ACE: variants seen among roughly 807,000 people sequenced by gnomAD.
ACE encodes the protein angiotensin I converting enzyme.
A neutral mutation model predicts 162.3 loss-of-function variants in ACE; 122 were observed. The ratio of observed to expected loss-of-function variants is 0.75; its 90% CI spans 0.65 to 0.87. The LOEUF (loss-of-function observed/expected upper bound fraction) is 0.87, where lower values mean the gene tolerates loss of function less well. Among genes scored for constraint, ACE ranks in the 40% least tolerant of loss-of-function variants. The pLI, the probability that ACE is intolerant of heterozygous loss-of-function variation, is 0.00. For missense variants in ACE, 1,799 were observed against 1,735.1 expected (o/e 1.04, Z -0.65); for synonymous variants, 796 against 720.6 (o/e 1.10, Z -1.68).
intron 8 of ACE, 65 bp from the exon 9 acceptor site, chr17:63,482,964 C>T (rs2049736132): frequency 1.3e-6 from 2 of 1,555,576 alleles, no homozygotes; most frequent in Non-Finnish European, 1.8e-6. Flanking sequence ...CGCCAGCCCA[C>T]ACTCTTAGGG....
chr17:63,479,889 G>T lies in ACE; in HGVS notation c.632G>T (p.Ser211Ile), dbSNP rs148144906. The T allele has an allele frequency of 1.2e-6, 2 of 1,611,994 alleles. No individual in the cohort carries two copies. Among genetic ancestry groups the T allele is most frequent in the Non-Finnish European group, 8.5e-7 (1 of 1,179,992 alleles). Residue 211 changes from serine (S) to isoleucine (I), a missense_variant, in exon 4 of 25, where the codon AGC becomes ATC. Physicochemically the swap from Ser to Ile is moderately radical, Grantham distance 142 (BLOSUM62 -2). Coordinates refer to ENST00000290866, the MANE Select transcript of ACE (RefSeq NM_000789.4). ...KPLYEDFTAL[S>I]NEAYKQDGFT... ...CTGTACGAGGATTTCACTGCCCTCAGCAATGAAGCCTACAAGCAGGACGGT... is the reference window on the plus strand; with the variant it reads ...CTGTACGAGGATTTCACTGCCCTCATCAATGAAGCCTACAAGCAGGACGGT...
chr17:63,483,263 C>T (rs1019805189), intron 9 of ACE, 90 bp downstream of exon 9: 9 of 1,600,236 alleles, frequency 5.6e-6, no homozygotes, highest in Non-Finnish European at 7.7e-6. Flanking sequence ...CCAGTTCTAG[C>T]CTCTCCTCTC....
chr17:63,483,787 G>C, intron 10 of ACE, 62 bp from the exon 11 acceptor site: 2 of 1,612,218 alleles, frequency 1.2e-6, no homozygotes, highest in Non-Finnish European at 1.7e-6. Context: ...ATGGTGCCTG[G>C]GTAAGGAACC....
chr17:63,486,449 C>A, intron 13 of ACE, 108 bp from the exon 14 acceptor site: 1 of 1,250,580 alleles, frequency 8.0e-7, no homozygotes, highest in Non-Finnish European at 1.2e-6. Flanking sequence ...CTTAATTCCA[C>A]TGCCCCCTCA....
chr17:63,496,430 C>A lies in ACE; in HGVS notation c.3417C>A (p.His1139Gln), dbSNP rs112577612. The change falls in exon 23 of 25, where the codon CAC becomes CAA. Residue 1139 changes from histidine to glutamine, a missense_variant. Transcript: ENST00000290866. The stretch of plus-strand genomic sequence containing the variant: ...GCTTCATCATCCAGTTCCAGTTCCA[C>A]GAGGCACTGTGCCAGGCAGCTGGCC... ...FVSFIIQFQF[H>Q]EALCQAAGHT... 1.9e-6 allele frequency: 3 copies of A among 1,614,100 alleles called. No homozygotes were observed. The African/African-American group carries it at 4.0e-5, about 22-fold the overall frequency.
Position 63,486,543 on chromosome 17 carries a change from C to G in ACE, c.2059-14C>G. On this transcript the variant is annotated splice_polypyrimidine_tract_variant and intron_variant, in intron 13 of 24. Transcript: ENST00000290866. ...GCTCCTGGGCCCTGTGACACCATCC[C>G]CCTGTGCCCTCAGCTGCAGAAGAAC... 1 of 1,613,950 alleles carries G rather than the reference C, an allele frequency of 6.2e-7. No homozygotes were observed. Among genetic ancestry groups the G allele is most frequent in the Non-Finnish European group, 8.5e-7 (1 of 1,179,918 alleles).
At position 63,483,567 on chromosome 17, in the gene ACE, G is replaced by GCGGGGGGGCGCGCCCCCCCCCC; in HGVS notation, c.1586+10_1586+11insGGGGGGGCGCGCCCCCCCCCCC. 6.3e-7 allele frequency: 1 copy of GCGGGGGGGCGCGCCCCCCCCCC among 1,589,580 alleles called. No homozygotes were observed. The highest frequency in any genetic ancestry group is 8.6e-7 in the Non-Finnish European group (1 of 1,165,686). ...GTGACACCATACATCAGGTATTAGCGCCCCCACCCCACCCACCCCCAGTAC... is the reference window on the plus strand; with the variant it reads ...GTGACACCATACATCAGGTATTAGCGCGGGGGGGCGCGCCCCCCCCCCCCCCCACCCCACCCACCCCCAGTAC... On this transcript the variant is annotated intron_variant, in intron 10 of 24. Coordinates refer to ENST00000290866, the MANE Select transcript of ACE (RefSeq NM_000789.4).
At chr17:63,477,372 G>A (rs2049634922) in intron 1 of ACE, 29 bp downstream of exon 1, 1 of 1,228,654 alleles carries the variant, frequency 8.1e-7, no homozygotes, top group Admixed American at 4.3e-5. Flanking sequence ...GCGGGGGCGG[G>A]GCGGGGCCGC....
intron 6 of ACE, 89 bp from the exon 7 acceptor site, chr17:63,481,477 G>T (rs1377477374): frequency 1.4e-6 from 2 of 1,436,172 alleles, no homozygotes; most frequent in East Asian, 2.4e-5. Flanking sequence ...TTCATGCACA[G>T]GGAGTTGACC....
intron 19 of ACE, 71 bp from the exon 20 acceptor site, chr17:63,493,365 A>G (rs1176254062): frequency 6.9e-7 from 1 of 1,444,712 alleles, no homozygotes. Flanking sequence ...AGCAAGGCCC[A>G]CTGTTCCCTT....
intron 19 of ACE, among the ~76,000 whole-genome samples, chr17:63,492,129 CTGGAGGTGG>C (rs1246151877): frequency 6.6e-6 from 1 of 152,164 alleles, no homozygotes; most frequent in Non-Finnish European, 1.5e-5. Context: ...GCTGGAACGG[CTGGAGGTGG>C]GTCAGGCATC....
chr17:63,477,494 AGCGCCGGGCTGCGCGCACGGCCT>A, intron 1 of ACE, 151 bp downstream of exon 1: 1 of 506,510 alleles, frequency 2.0e-6, no homozygotes, highest in Non-Finnish European at 2.6e-6. Context: ...GCGGGGCCCG[AGCGCCGGGCTGCGCGCACGGCCT>A]GCGCTCCCAG....
chr17:63,483,632 C>T (rs953347280), intron 10 of ACE, 74 bp downstream of exon 10: 75 of 1,354,460 alleles, frequency 5.5e-5, no homozygotes, highest in South Asian at 8.3e-5. Context: ...GTGATCCTAG[C>T]TGCCTCATCC....
At position 63,494,077 on chromosome 17, in the gene ACE, A is replaced by T; in HGVS notation, c.3281+11A>T. On this transcript the variant is annotated intron_variant, in intron 21 of 24. Coordinates refer to ENST00000290866, the MANE Select transcript of ACE (RefSeq NM_000789.4). ...GTGGTGGAGCCTCAGGTTCTGGAACACTCCCACGGGATGCGGGCTGGGGGA... is the reference window on the plus strand; with the variant it reads ...GTGGTGGAGCCTCAGGTTCTGGAACTCTCCCACGGGATGCGGGCTGGGGGA... 1 of 1,613,558 alleles carries T rather than the reference A, an allele frequency of 6.2e-7. No homozygotes were observed. Among genetic ancestry groups the T allele is most frequent in the Non-Finnish European group, 8.5e-7 (1 of 1,179,968 alleles).
Position 63,483,027 on chromosome 17 carries a change from A to G in ACE, c.1343-2A>G, listed in dbSNP as rs757707590. The G allele has an allele frequency of 6.2e-7, 1 of 1,614,116 alleles. No homozygotes were observed. The highest frequency in any genetic ancestry group is 1.1e-5 in the South Asian group (1 of 91,084). ...CTCTCCTTTCATCTCATCTCCCAAC[A>G]GAAAGTGACATCAATTACTTGCTAA... is the stretch of plus-strand genomic sequence containing the variant. On this transcript the variant is annotated splice_acceptor_variant, in intron 8 of 24. Coordinates refer to ENST00000290866, the MANE Select transcript of ACE (RefSeq NM_000789.4). LOFTEE classifies it high-confidence loss of function.
Position 63,494,435 on chromosome 17 carries a change from C to G in ACE, c.3345C>G (p.Ala1115=), listed in dbSNP as rs773598878. The G allele has an allele frequency of 5.6e-6, 9 of 1,614,026 alleles. No homozygotes were observed. In the African/African-American group the frequency reaches 9.3e-5, roughly 17 times the overall value. The part of the protein sequence containing the change: ...PRTQGDFDPG[A]KFHIPSSVPY... Reference sequence around the variant, plus strand: ...CTCAAGGTGACTTTGACCCAGGGGCCAAGTTCCACATTCCTTCTAGCGTGC... The same window carrying G: ...CTCAAGGTGACTTTGACCCAGGGGCGAAGTTCCACATTCCTTCTAGCGTGC... Residue 1115 remains alanine, a synonymous_variant, in exon 22 of 25, where the codon GCC becomes GCG. Coordinates refer to ENST00000290866, the MANE Select transcript of ACE (RefSeq NM_000789.4).
In ACE at chr17:63,484,374, T is replaced by C. The variant is rs776358299; in HGVS notation, c.1754T>C (p.Leu585Pro). ...TCCTCCAGGCCCTGGCAGGAGGTGC[T>C]GAAGGACATGGTCGGCTTAGATGCC... ...AGSSRPWQEV[L>P]KDMVGLDALD... The change falls in exon 12 of 25, where the codon CTG (leucine) becomes CCG (proline). Residue 585 changes from leucine (L) to proline (P), a missense_variant. Coordinates refer to ENST00000290866, the MANE Select transcript of ACE (RefSeq NM_000789.4). The surrounding 1 kb of genome is among the most constrained non-coding windows in gnomAD (Gnocchi z 4.0). The C allele has an allele frequency of 1.2e-6, 2 of 1,611,830 alleles. No individual in the cohort carries two copies. Among genetic ancestry groups the C allele is most frequent in the Non-Finnish European group, 1.7e-6 (2 of 1,179,912 alleles).
rs2029862799 is a variant in ACE, at chr17:63,484,454, GAGCAGAACC to G, written c.1843_1851del (p.Gln615_Asn617del). On this transcript the variant is annotated inframe_deletion, in exon 12 of 25. Coordinates refer to ENST00000290866, the MANE Select transcript of ACE (RefSeq NM_000789.4). This position sits in a 1 kb window ranked among gnomAD's most constrained non-coding sequence, Gnocchi z 4.0. Reference sequence around the variant, plus strand: ...CCAGCCAGTCACCCAGTGGCTGCAGGAGCAGAACCAGCAGAACGGCGAGGTCCTGGGCTG... The same window carrying G: ...CCAGCCAGTCACCCAGTGGCTGCAGGAGCAGAACGGCGAGGTCCTGGGCTG... The G allele has an allele frequency of 6.2e-7, 1 of 1,612,342 alleles. No individual in the cohort carries two copies. Among genetic ancestry groups the G allele is most frequent in the East Asian group, 2.2e-5 (1 of 44,878 alleles).
rs146664991 is a variant in ACE, at chr17:63,486,055, A to G, written c.2059-502A>G. Among the ~76,000 whole-genome samples the G allele has an allele frequency of 3.0e-3, 461 of 152,330 alleles. 6 individuals are homozygous for G. The highest frequency in any genetic ancestry group is 0.01 in the African/African-American group (436 of 41,576). ...TTGAAAGCCTCTGTTTGTCTCCTCT[A>G]CAAAAGGGGCTACACTTCCTCTTTA... On this transcript the variant is annotated intron_variant, in intron 13 of 24. Transcript: ENST00000290866.
Sources: gnomAD v4.1 joint callset for allele counts (sites outside exome capture counted in the v4.1 genomes callset) on GRCh38, gnomAD v4.1.1 for gene constraint, Gnocchi (gnomAD v3.1) non-coding constraint, MANE v1.5 for transcripts, NCBI Gene and HGNC (gene_info 2026-07-23, HGNC 2026-07-21) for gene names.